MECOM: variants seen among roughly 807,000 people sequenced by gnomAD.
MECOM encodes histone-lysine N-methyltransferase MECOM.
A neutral mutation model predicts 116.3 loss-of-function variants in MECOM; 13 were observed. The ratio of observed to expected loss-of-function variants is 0.11; its 90% CI spans 0.07 to 0.18. The LOEUF (loss-of-function observed/expected upper bound fraction) is 0.18. MECOM is among the 10% of genes least tolerant of loss of function. The pLI is 1.00. For missense variants in MECOM, 1,299 were observed against 1,509.0 expected, an observed-to-expected ratio of 0.86 and a Z score of 2.31; for synonymous variants, 528 against 535.2, an observed-to-expected ratio of 0.99 and a Z score of 0.19.
At chr3:169,217,966 A>C (rs1751622056) in intron 2 of MECOM, among the ~76,000 whole-genome samples, 1 of 151,476 alleles carries the variant, frequency 6.6e-6, no homozygotes, top group African/African-American at 2.4e-5. Flanking sequence ...CAATTTTATT[A>C]TACATCCTAA....
At chr3:169,147,636 CAA>C in intron 2 of MECOM, 1 of 985,540 alleles carries the variant, frequency 1.0e-6, no homozygotes, top group Non-Finnish European at 1.2e-6. Flanking sequence ...GGTAAACAAC[CAA>C]TGGGGAGATC....
intron 2 of MECOM, among the ~76,000 whole-genome samples, chr3:169,164,982 T>G (rs978775205): frequency 6.6e-6 from 1 of 152,194 alleles, no homozygotes; most frequent in African/African-American, 2.4e-5. Context: ...TAAAGTTCCC[T>G]GACAAAAGTT....
chr3:169,286,789 G>A (rs1303983570), intron 2 of MECOM, among the ~76,000 whole-genome samples: 1 of 152,128 alleles, frequency 6.6e-6, no homozygotes, highest in Non-Finnish European at 1.5e-5. Context: ...GCTACCTGGT[G>A]AGTCCTCAAA....
intron 1 of MECOM, among the ~76,000 whole-genome samples, chr3:169,412,482 G>T (rs947334055): frequency 6.6e-6 from 1 of 151,874 alleles, no homozygotes; most frequent in African/African-American, 2.4e-5. Flanking sequence ...CAATTCTTGC[G>T]TATGCCATCA....
intron 1 of MECOM, among the ~76,000 whole-genome samples, chr3:169,394,899 T>G (rs1734790408): frequency 6.6e-6 from 1 of 152,198 alleles, no homozygotes; most frequent in Non-Finnish European, 1.5e-5. Flanking sequence ...TCTGCATTTT[T>G]CTTCAAAGTT....
At chr3:169,198,650 T>C (rs565285716) in intron 2 of MECOM, among the ~76,000 whole-genome samples, 1 of 152,144 alleles carries the variant, frequency 6.6e-6, no homozygotes, top group East Asian at 1.9e-4. Flanking sequence ...TCTTTTTTGC[T>C]GATTCAAGTT....
At chr3:169,250,544 G>A (rs926656553) in intron 2 of MECOM, among the ~76,000 whole-genome samples, 2 of 152,120 alleles carry the variant, frequency 1.3e-5, no homozygotes, top group African/African-American at 4.8e-5. Flanking sequence ...ATACCCATCA[G>A]ATTTTTCTAG....
intron 1 of MECOM, among the ~76,000 whole-genome samples, chr3:169,388,921 C>T (rs1733809386): frequency 6.6e-6 from 1 of 151,962 alleles, no homozygotes; most frequent in Admixed American, 6.6e-5. Context: ...ATTTCATATA[C>T]GAGTTGTCAA....
intron 2 of MECOM, among the ~76,000 whole-genome samples, chr3:169,253,010 A>G (rs1228921627): frequency 6.6e-6 from 1 of 152,184 alleles, no homozygotes; most frequent in Non-Finnish European, 1.5e-5. Context: ...TTTTTCTATA[A>G]GATCCATTTG....
intron 1 of MECOM, among the ~76,000 whole-genome samples, chr3:169,623,637 G>A (rs1235142042): frequency 1.3e-5 from 2 of 151,902 alleles, no homozygotes; most frequent in Admixed American, 1.3e-4. Context: ...TACATTTTCT[G>A]GATACACATA....
intron 13 of MECOM, 122 bp from the exon 14 acceptor site, chr3:169,093,224 T>C (rs1055960698): frequency 4.1e-6 from 4 of 982,544 alleles, no homozygotes; most frequent in Non-Finnish European, 5.8e-6. Context: ...TGAATATTAA[T>C]AATAATAACT....
chr3:169,330,572 T>C (rs1213436126), intron 2 of MECOM, among the ~76,000 whole-genome samples: 1 of 152,168 alleles, frequency 6.6e-6, no homozygotes, highest in East Asian at 1.9e-4. Flanking sequence ...AATAAACTGA[T>C]GATAGATTAT....
intron 2 of MECOM, among the ~76,000 whole-genome samples, chr3:169,194,363 T>C (rs1171120441): frequency 6.6e-6 from 1 of 151,938 alleles, no homozygotes; most frequent in Non-Finnish European, 1.5e-5. Context: ...TACCTAATGT[T>C]AAATGATGGG....
intron 1 of MECOM, among the ~76,000 whole-genome samples, chr3:169,397,291 G>A (rs11711274): frequency 0.02 from 3,046 of 152,278 alleles, 49 homozygotes; most frequent in Non-Finnish European, 0.027. Context: ...TTTCTGTGAC[G>A]ATGCAGGAAA....
intron 2 of MECOM, among the ~76,000 whole-genome samples, chr3:169,212,007 GT>G (rs1340772448): frequency 7.2e-5 from 11 of 152,042 alleles, no homozygotes; most frequent in Admixed American, 6.6e-4. Context: ...ACATCTGAGT[GT>G]TATTCTTGAT....
chr3:169,522,762 G>T (rs1757503730), intron 1 of MECOM, among the ~76,000 whole-genome samples: 1 of 152,244 alleles, frequency 6.6e-6, no homozygotes, highest in Non-Finnish European at 1.5e-5. Flanking sequence ...AAAAAGAATA[G>T]TTAGGTAGAT....
At chr3:169,176,880 G>C (rs1745242756) in intron 2 of MECOM, among the ~76,000 whole-genome samples, 1 of 152,086 alleles carries the variant, frequency 6.6e-6, no homozygotes, top group Admixed American at 6.6e-5. Flanking sequence ...CAACATCACT[G>C]ATCATTAGAG....
intron 1 of MECOM, among the ~76,000 whole-genome samples, chr3:169,589,768 C>G (rs1187347091): frequency 1.3e-5 from 2 of 152,178 alleles, no homozygotes; most frequent in Non-Finnish European, 2.9e-5. Context: ...AATTCCGACT[C>G]ACATAGAAAA....
chr3:169,384,135 T>A (rs1440644558), intron 1 of MECOM, among the ~76,000 whole-genome samples: 1 of 152,210 alleles, frequency 6.6e-6, no homozygotes, highest in Non-Finnish European at 1.5e-5. Flanking sequence ...GGACTCTTAC[T>A]TTTTCAGAAT....
Sources: gnomAD v4.1 joint callset for allele counts (sites outside exome capture counted in the v4.1 genomes callset) on GRCh38, gnomAD v4.1.1 for gene constraint, MANE v1.5 for transcripts, NCBI Gene and HGNC (gene_info 2026-07-23, HGNC 2026-07-21) for gene names.